NRXN1: variants seen among roughly 807,000 people sequenced by gnomAD.
NRXN1 encodes the protein neurexin-1.
In NRXN1, 39 loss-of-function variants were observed where a neutral mutation model predicts 150.9. The ratio of observed to expected loss-of-function variants is 0.26; its 90% CI spans 0.20 to 0.34. The LOEUF is 0.34. NRXN1 is among the 10% of genes least tolerant of loss of function. The pLI, the probability that NRXN1 is intolerant of heterozygous loss-of-function variation, is 1.00. For missense variants in NRXN1, 1,815 were observed against 1,949.9 expected (o/e 0.93, Z 1.30); for synonymous variants, 924 against 757.0 (o/e 1.22, Z -3.62).
At chr2:50,162,697 A>G (rs2059434804) in intron 18 of NRXN1, among the ~76,000 whole-genome samples, 1 of 152,158 alleles carries the variant, frequency 6.6e-6, no homozygotes, top group African/African-American at 2.4e-5. Context: ...ACATTTTTAT[A>G]AAAAATAATT....
chr2:50,524,455 G>C (rs2092886326), intron 12 of NRXN1, among the ~76,000 whole-genome samples: 1 of 150,772 alleles, frequency 6.6e-6, no homozygotes, highest in Non-Finnish European at 1.5e-5. Context: ...CTCCAGCCTG[G>C]ATGAGAGAGC....
chr2:50,232,823 C>T (rs2065072554), intron 18 of NRXN1, among the ~76,000 whole-genome samples: 1 of 151,968 alleles, frequency 6.6e-6, no homozygotes, highest in Admixed American at 6.6e-5. Flanking sequence ...ATAAATAAGG[C>T]AATTATTAAC....
intron 5 of NRXN1, among the ~76,000 whole-genome samples, chr2:50,828,079 A>C (rs1574620739): frequency 6.7e-6 from 1 of 150,094 alleles, no homozygotes; most frequent in Admixed American, 6.6e-5. Context: ...ATTCCACAAA[A>C]CCGCCATTGT....
chr2:50,948,807 A>AT (rs1372239817), intron 2 of NRXN1, among the ~76,000 whole-genome samples: 2 of 152,028 alleles, frequency 1.3e-5, no homozygotes, highest in East Asian at 1.9e-4. Flanking sequence ...TGGAAGTCTA[A>AT]TTTTTTGTGA....
intron 5 of NRXN1, among the ~76,000 whole-genome samples, chr2:50,750,593 A>G (rs954089489): frequency 6.6e-6 from 1 of 152,016 alleles, no homozygotes; most frequent in Non-Finnish European, 1.5e-5. Flanking sequence ...AAGTATAATA[A>G]TAATAAAAAA....
At chr2:50,135,136 T>C (rs1265423251) in intron 18 of NRXN1, among the ~76,000 whole-genome samples, 1 of 152,216 alleles carries the variant, frequency 6.6e-6, no homozygotes, top group Non-Finnish European at 1.5e-5. Flanking sequence ...GCATGCTTAC[T>C]GTTACTTAAG....
intron 18 of NRXN1, among the ~76,000 whole-genome samples, chr2:50,176,743 C>A (rs558931207): frequency 6.6e-6 from 1 of 152,052 alleles, no homozygotes; most frequent in Non-Finnish European, 1.5e-5. Flanking sequence ...CATCACTTGT[C>A]CAATATCAAA....
At chr2:50,784,191 G>T (rs375501424) in intron 5 of NRXN1, among the ~76,000 whole-genome samples, 34 of 152,226 alleles carry the variant, frequency 2.2e-4, no homozygotes, top group African/African-American at 8.2e-4. Flanking sequence ...CAGGAATTGT[G>T]CTAGGCACTA....
intron 18 of NRXN1, among the ~76,000 whole-genome samples, chr2:50,102,502 G>A (rs1701107677): frequency 6.6e-6 from 1 of 151,946 alleles, no homozygotes; most frequent in Admixed American, 6.6e-5. Flanking sequence ...CTATACTCCT[G>A]GCACTCTGTT....
chr2:50,480,245 T>G (rs974246242), intron 15 of NRXN1, among the ~76,000 whole-genome samples: 9 of 152,214 alleles, frequency 5.9e-5, no homozygotes, highest in Admixed American at 5.9e-4. Context: ...GAGATGAAGA[T>G]AGAGGTGTAG....
At chr2:50,736,124 C>T (rs191627780) in intron 5 of NRXN1, among the ~76,000 whole-genome samples, 129 of 152,248 alleles carry the variant, frequency 8.5e-4, no homozygotes, top group African/African-American at 3.0e-3. Flanking sequence ...CCCTGCTTCC[C>T]GTATTTCAGC....
intron 17 of NRXN1, among the ~76,000 whole-genome samples, chr2:50,328,913 T>C (rs956137471): frequency 1.3e-5 from 2 of 152,170 alleles, no homozygotes; most frequent in Non-Finnish European, 2.9e-5. Context: ...TTGTCTCTTG[T>C]TATTTCAAGC....
At chr2:50,484,728 A>G (rs892918288) in intron 15 of NRXN1, among the ~76,000 whole-genome samples, 1 of 152,220 alleles carries the variant, frequency 6.6e-6, no homozygotes, top group Non-Finnish European at 1.5e-5. Context: ...GACAGAACCA[A>G]TATATAGATG....
intron 5 of NRXN1, among the ~76,000 whole-genome samples, chr2:50,838,001 T>G (rs1158514095): frequency 1.3e-5 from 2 of 152,130 alleles, no homozygotes; most frequent in African/African-American, 2.4e-5. Context: ...ATAAGACTGT[T>G]GCCTGAGTGA....
intron 17 of NRXN1, among the ~76,000 whole-genome samples, chr2:50,348,305 G>T (rs2078192020): frequency 6.6e-6 from 1 of 152,136 alleles, no homozygotes; most frequent in South Asian, 2.1e-4. Flanking sequence ...GGAGGGAAAA[G>T]GATGCATTAA....
chr2:49,967,927 C>G (rs1677238362), intron 21 of NRXN1, among the ~76,000 whole-genome samples: 1 of 152,006 alleles, frequency 6.6e-6, no homozygotes, highest in African/African-American at 2.4e-5. Flanking sequence ...TCATTTCAGT[C>G]AGTTTTAATG....
Position 50,091,471 on chromosome 2 carries a change from C to T in NRXN1, c.3570G>A (p.Lys1190=). The T allele has an allele frequency of 6.2e-7, 1 of 1,614,116 alleles. No individual in the cohort carries two copies. Among genetic ancestry groups the T allele is most frequent in the African/African-American group, 1.3e-5 (1 of 75,036 alleles). Residue 1190 remains lysine, a synonymous_variant, in exon 19 of 23, where the codon AAG becomes AAA. Coordinates refer to ENST00000401669, the MANE Select transcript of NRXN1 (RefSeq NM_001330078.2). ...CGATGTCATCTGTCCCAACATTAAACTTAACTCCAATTTTTCCCTGGTGCT... is the reference window on the plus strand; with the variant it reads ...CGATGTCATCTGTCCCAACATTAAATTTAACTCCAATTTTTCCCTGGTGCT... The part of the protein sequence containing the change: ...LHIHQGKIGV[K]FNVGTDDIAI...
intron 8 of NRXN1, among the ~76,000 whole-genome samples, chr2:50,559,772 T>A (rs1376554553): frequency 6.6e-6 from 1 of 152,204 alleles, no homozygotes; most frequent in Non-Finnish European, 1.5e-5. Flanking sequence ...TACCTATGTA[T>A]GTCAGAGACA....
At chr2:50,969,485 T>C (rs942784385) in intron 2 of NRXN1, among the ~76,000 whole-genome samples, 2 of 152,192 alleles carry the variant, frequency 1.3e-5, no homozygotes, top group African/African-American at 4.8e-5. Context: ...GATGGTAATT[T>C]ATCAGTGGCT....
Sources: gnomAD v4.1 joint callset for allele counts (sites outside exome capture counted in the v4.1 genomes callset) on GRCh38, gnomAD v4.1.1 for gene constraint, MANE v1.5 for transcripts, NCBI Gene and HGNC (gene_info 2026-07-23, HGNC 2026-07-21) for gene names.